The following TOMM7 variants were observed in gnomAD, a reference collection of about 807,000 sequenced individuals.
TOMM7 encodes mitochondrial import receptor subunit TOM7 homolog.
A neutral mutation model predicts 9.5 loss-of-function variants in TOMM7; 8 were observed. That is an observed-to-expected ratio of 0.84 (90% CI 0.49 to 1.51). The LOEUF is 1.51. TOMM7 is among the 40% of genes most tolerant of loss of function. The pLI, the probability that TOMM7 is intolerant of heterozygous loss-of-function variation, is 0.00. For synonymous variants in TOMM7, 27 were observed against 21.4 expected, an observed-to-expected ratio of 1.26 and a Z score of -0.72; for missense variants, 74 against 63.7, an observed-to-expected ratio of 1.16 and a Z score of -0.55.
chr7:22,822,086 C>G, intron 1 of TOMM7: 11 of 1,527,304 alleles, frequency 7.2e-6, no homozygotes, highest in Non-Finnish European at 8.8e-6. Flanking sequence ...TGCCTGAGCC[C>G]CTAACTCCCT....
chr7:22,818,859 T>A (rs1782350062), intron 1 of TOMM7, among the ~76,000 whole-genome samples: 1 of 142,860 alleles, frequency 7.0e-6, no homozygotes, highest in Admixed American at 7.0e-5. Flanking sequence ...GTGATCAGCC[T>A]CCTCAGCCTC....
At chr7:22,813,543 T>C (rs1367530251) in intron 2 of TOMM7, among the ~76,000 whole-genome samples, 1 of 152,050 alleles carries the variant, frequency 6.6e-6, no homozygotes, top group Non-Finnish European at 1.5e-5. Flanking sequence ...AATACTAAAA[T>C]AACATTTATT....
intron 2 of TOMM7, 55 bp from the exon 3 acceptor site, chr7:22,813,240 A>G: frequency 1.3e-6 from 2 of 1,550,124 alleles, no homozygotes; most frequent in Non-Finnish European, 1.8e-6. Flanking sequence ...AAAATCTTCT[A>G]GACATAACCT....
intron 1 of TOMM7, among the ~76,000 whole-genome samples, chr7:22,820,633 A>G (rs1236846888): frequency 2.6e-5 from 4 of 152,306 alleles, no homozygotes; most frequent in African/African-American, 9.6e-5. Context: ...TCTCTTAGCT[A>G]AAAGGGGAGC....
At chr7:22,821,929 G>C (rs1236374248) in intron 1 of TOMM7, among the ~76,000 whole-genome samples, 1 of 152,136 alleles carries the variant, frequency 6.6e-6, no homozygotes, top group Non-Finnish European at 1.5e-5. Flanking sequence ...GAGCACAGGA[G>C]GGGAAGGTTG....
chr7:22,817,887 C>G, intron 2 of TOMM7, 113 bp downstream of exon 2: 1 of 1,019,002 alleles, frequency 9.8e-7, no homozygotes, highest in Non-Finnish European at 1.5e-6. Context: ...CAAAACTATA[C>G]TGACTGATAA....
At chr7:22,819,377 T>TG (rs1167663316) in intron 1 of TOMM7, among the ~76,000 whole-genome samples, 1 of 151,272 alleles carries the variant, frequency 6.6e-6, no homozygotes, top group South Asian at 2.1e-4. Context: ...ACACTATTCT[T>TG]TTTTTTTTTG....
chr7:22,822,310 G>A (rs1782404479), intron 1 of TOMM7: 2 of 1,531,902 alleles, frequency 1.3e-6, no homozygotes, highest in African/African-American at 2.8e-5. Flanking sequence ...TTCCACTTAG[G>A]ACCACATGGA....
intron 1 of TOMM7, among the ~76,000 whole-genome samples, chr7:22,819,568 T>A (rs1390571017): frequency 6.6e-6 from 1 of 152,162 alleles, no homozygotes; most frequent in African/African-American, 2.4e-5. Context: ...ACAGAGTTTC[T>A]CCATGTTGGT....
At chr7:22,815,900 A>T (rs894972338) in intron 2 of TOMM7, among the ~76,000 whole-genome samples, 1 of 152,200 alleles carries the variant, frequency 6.6e-6, no homozygotes, top group Admixed American at 6.5e-5. Context: ...AGAGATTTAC[A>T]GAAGGGGCGA....
rs1782406413 is a variant in TOMM7, at chr7:22,822,438, A to C, written c.103+239T>G. 46 of 768,970 alleles carry C rather than the reference A, an allele frequency of 6.0e-5. No homozygotes were observed. In the South Asian group the frequency reaches 8.7e-4, roughly 14 times the overall value. 47.6% of individuals were successfully genotyped at this position (768,970 alleles called of 1,614,324 possible). A position where few individuals can be genotyped will look rare whatever the true frequency, so the allele number is the denominator to read the frequency against. On this transcript the variant is annotated intron_variant, in intron 1 of 2. Transcript: ENST00000358435. ...TCCCGAGAAATATGACCTCCACTTT[A>C]AGGATGCAAAAATAGAAAAGGAGGG...
chr7:22,822,817 C>A lies in TOMM7; in HGVS notation c.-38G>T, dbSNP rs1782414635. On this transcript the variant is annotated 5_prime_UTR_variant, in exon 1 of 3. Coordinates refer to ENST00000358435, the MANE Select transcript of TOMM7 (RefSeq NM_019059.5). The stretch of plus-strand genomic sequence containing the variant: ...GTGGCGCAGGGAGGACCCCTTACAG[C>A]AACCACAGCGTCGGGAATCCGAAAG... 1.9e-6 allele frequency: 3 copies of A among 1,539,806 alleles called. No homozygotes were observed. The highest frequency in any genetic ancestry group is 3.3e-5 in the Admixed American group (2 of 59,716).
chr7:22,821,930 G>T (rs942829019), intron 1 of TOMM7, among the ~76,000 whole-genome samples: 1 of 151,244 alleles, frequency 6.6e-6, no homozygotes, highest in Admixed American at 6.6e-5. Context: ...AGCACAGGAG[G>T]GGAAGGTTGC....
intron 1 of TOMM7, among the ~76,000 whole-genome samples, chr7:22,819,717 T>C (rs755510174): frequency 6.6e-6 from 1 of 151,890 alleles, no homozygotes; most frequent in Non-Finnish European, 1.5e-5. Flanking sequence ...ATGTCTCTCT[T>C]TGCTCTGGCT....
intron 1 of TOMM7, chr7:22,822,046 T>C (rs991988144): frequency 7.8e-7 from 1 of 1,282,474 alleles, no homozygotes; most frequent in Non-Finnish European, 1.0e-6. Flanking sequence ...TGCGCTATAA[T>C]GGTTAAGACT....
rs1031743009 is a variant in TOMM7, at chr7:22,813,307, G to A, written c.153-122C>T. The A allele has an allele frequency of 1.9e-5, 16 of 826,396 alleles. No homozygotes were observed. In the African/African-American group the frequency reaches 2.4e-4, roughly 12 times the overall value. The allele number at this position is 826,396 out of a possible 1,614,324, so 51.2% of individuals were successfully genotyped here. On this transcript the variant is annotated intron_variant, in intron 2 of 2. Coordinates refer to ENST00000358435, the MANE Select transcript of TOMM7 (RefSeq NM_019059.5). Reference sequence around the variant, plus strand: ...GTTTCCTCATCTATCAAATTCAGTTGTGAAAGACAAGGATCAATCCCACTG... The same window carrying A: ...GTTTCCTCATCTATCAAATTCAGTTATGAAAGACAAGGATCAATCCCACTG...
At chr7:22,814,643 T>C (rs1258210816) in intron 2 of TOMM7, among the ~76,000 whole-genome samples, 1 of 152,208 alleles carries the variant, frequency 6.6e-6, no homozygotes, top group African/African-American at 2.4e-5. Context: ...ATATTTTGCC[T>C]AAATGTTTTA....
rs547517930 is a variant in TOMM7 at position 22,814,388 on chromosome 7, G to A, written c.153-1203C>T. On this transcript the variant is annotated intron_variant, in intron 2 of 2. Coordinates refer to ENST00000358435, the MANE Select transcript of TOMM7 (RefSeq NM_019059.5). ...AAAAAAATTAGCCAGGTGTGGTGACGCGTGCCTGTGGTCCTGGCTACTCGG... is the reference window on the plus strand; with the variant it reads ...AAAAAAATTAGCCAGGTGTGGTGACACGTGCCTGTGGTCCTGGCTACTCGG... 1.0e-4 allele frequency among the ~76,000 whole-genome samples: 15 copies of A among 148,944 alleles called. No individual in the cohort carries two copies. The South Asian group carries it at 1.9e-3, about 19-fold the overall frequency.
intron 2 of TOMM7, among the ~76,000 whole-genome samples, chr7:22,815,506 G>C (rs1782306485): frequency 6.7e-6 from 1 of 150,182 alleles, no homozygotes. Context: ...GACCAGACTG[G>C]GCAACACAGT....
Sources: allele counts gnomAD v4.1 joint callset (sites outside exome capture counted in the v4.1 genomes callset), GRCh38; gene constraint gnomAD v4.1.1; transcripts MANE v1.5; gene names NCBI Gene and HGNC (gene_info 2026-07-23, HGNC 2026-07-21).